Variants in CACNG2 observed in about 807,000 individuals in gnomAD.
CACNG2 encodes the protein voltage-dependent calcium channel gamma-2 subunit.
Under a neutral mutation model 25.9 loss-of-function variants are expected in CACNG2, and 3 were observed. That is an observed-to-expected ratio of 0.12 (90% CI 0.05 to 0.30). The LOEUF is 0.30. Among genes scored for constraint, CACNG2 ranks in the 10% least tolerant of loss-of-function variants. CACNG2 has a pLI of 1.00. For synonymous variants in CACNG2, 167 were observed against 173.3 expected, an observed-to-expected ratio of 0.96 and a Z score of 0.29; for missense variants, 341 against 432.5, an observed-to-expected ratio of 0.79 and a Z score of 1.88.
chr22:36,659,086 C>G (rs1243675525), intron 1 of CACNG2, among the ~76,000 whole-genome samples: 2 of 152,196 alleles, frequency 1.3e-5, no homozygotes, highest in African/African-American at 4.8e-5. Flanking sequence ...AGGAAACTGA[C>G]TGCCCTTAGA....
At chr22:36,575,495 T>G (rs1160462360) in intron 2 of CACNG2, among the ~76,000 whole-genome samples, 4 of 128,092 alleles carry the variant, frequency 3.1e-5, no homozygotes, top group Non-Finnish European at 6.4e-5. Context: ...TCACTGTGTC[T>G]GGCAGCGGAG....
At chr22:36,678,162 G>A (rs1020672719) in intron 1 of CACNG2, among the ~76,000 whole-genome samples, 4 of 152,182 alleles carry the variant, frequency 2.6e-5, no homozygotes, top group African/African-American at 7.2e-5. Flanking sequence ...ATGAGGCCAC[G>A]TAAAATGATG....
chr22:36,657,628 A>G (rs1936727742), intron 1 of CACNG2, among the ~76,000 whole-genome samples: 1 of 151,884 alleles, frequency 6.6e-6, no homozygotes. Flanking sequence ...CTGGATCTAC[A>G]CTCTGTGCCT....
chr22:36,613,491 T>C (rs1327108183), intron 1 of CACNG2, among the ~76,000 whole-genome samples: 1 of 152,156 alleles, frequency 6.6e-6, no homozygotes, highest in Admixed American at 6.5e-5. Context: ...TCCCTTGGCG[T>C]CTGGGTCCTC....
At chr22:36,667,625 C>T (rs572758156) in intron 1 of CACNG2, among the ~76,000 whole-genome samples, 4 of 152,262 alleles carry the variant, frequency 2.6e-5, no homozygotes, top group African/African-American at 9.6e-5. Flanking sequence ...ACGGAACCCA[C>T]GGGGAACTTT....
At chr22:36,627,045 G>A (rs948521209) in intron 1 of CACNG2, among the ~76,000 whole-genome samples, 10 of 152,352 alleles carry the variant, frequency 6.6e-5, no homozygotes, top group African/African-American at 2.2e-4. Context: ...TCCAAAGCCT[G>A]TCTATGTCAA....
At chr22:36,651,050 C>A (rs1936604466) in intron 1 of CACNG2, among the ~76,000 whole-genome samples, 1 of 152,164 alleles carries the variant, frequency 6.6e-6, no homozygotes, top group Non-Finnish European at 1.5e-5. Flanking sequence ...ACATTCTAGT[C>A]CACTTTCCTG....
chr22:36,679,040 A>C (rs1395697109), intron 1 of CACNG2, among the ~76,000 whole-genome samples: 1 of 152,200 alleles, frequency 6.6e-6, no homozygotes, highest in Non-Finnish European at 1.5e-5. Context: ...AGGAAACGTC[A>C]CAGCTGGCTG....
intron 2 of CACNG2, 117 bp from the exon 3 acceptor site, chr22:36,566,610 A>G (rs1935132238): frequency 6.3e-6 from 7 of 1,118,580 alleles, no homozygotes; most frequent in Non-Finnish European, 9.4e-6. Flanking sequence ...ACAGCCTTAG[A>G]GGAGAGGTTG....
chr22:36,602,751 G>A (rs1330039122), intron 1 of CACNG2, among the ~76,000 whole-genome samples: 2 of 152,158 alleles, frequency 1.3e-5, no homozygotes, highest in Admixed American at 6.5e-5. Flanking sequence ...TGTTACCATT[G>A]TAATTGTTTT....
intron 1 of CACNG2, among the ~76,000 whole-genome samples, chr22:36,615,829 A>T (rs1312827499): frequency 6.6e-6 from 1 of 151,842 alleles, no homozygotes; most frequent in African/African-American, 2.4e-5. Context: ...AGTGTTAGTT[A>T]AAAAAAATAG....
chr22:36,692,216 G>A (rs1023275999), intron 1 of CACNG2, among the ~76,000 whole-genome samples: 1 of 152,170 alleles, frequency 6.6e-6, no homozygotes, highest in Non-Finnish European at 1.5e-5. Context: ...TTCCTACAAC[G>A]AGGCTCCAGC....
At chr22:36,614,271 A>G (rs538413045) in intron 1 of CACNG2, among the ~76,000 whole-genome samples, 1 of 152,018 alleles carries the variant, frequency 6.6e-6, no homozygotes, top group East Asian at 1.9e-4. Flanking sequence ...TGTCCTTCCC[A>G]ACTCACTTCT....
chr22:36,633,325 C>A (rs564774796), intron 1 of CACNG2, among the ~76,000 whole-genome samples: 1 of 152,150 alleles, frequency 6.6e-6, no homozygotes, highest in Non-Finnish European at 1.5e-5. Context: ...AATGCATTCA[C>A]GGAGGGTAAC....
intron 1 of CACNG2, among the ~76,000 whole-genome samples, chr22:36,680,636 A>ATTG: frequency 7.7e-6 from 1 of 130,300 alleles, no homozygotes; most frequent in Non-Finnish European, 1.7e-5. Flanking sequence ...CACCACTAAC[A>ATTG]CCACCATCAT....
intron 1 of CACNG2, among the ~76,000 whole-genome samples, chr22:36,626,113 T>C (rs892987324): frequency 1.3e-5 from 2 of 152,160 alleles, no homozygotes; most frequent in African/African-American, 4.8e-5. Context: ...AGAGACGGGG[T>C]TTCACCATGT....
intron 1 of CACNG2, among the ~76,000 whole-genome samples, chr22:36,657,993 G>A (rs866355118): frequency 4.6e-5 from 7 of 152,292 alleles, no homozygotes; most frequent in Middle Eastern, 3.4e-3. Context: ...TGTCTTGGGG[G>A]ATGAGCCTAG....
chr22:36,659,199 G>A lies in CACNG2; in HGVS notation c.211+43167C>T, dbSNP rs375189122. Among the ~76,000 whole-genome samples the A allele has an allele frequency of 1.2e-4, 18 of 152,282 alleles. 1 individual carries two copies. The highest frequency in any genetic ancestry group is 6.2e-4 in the South Asian group (3 of 4,818). On this transcript the variant is annotated intron_variant, in intron 1 of 3. Coordinates refer to ENST00000300105, the MANE Select transcript of CACNG2 (RefSeq NM_006078.5). ...GGCATTATTAAGGGAAAGCGGGAGG[G>A]TGGGGGCTCTGTCCTCTTGTGGGTG...
chr22:36,685,672 T>C, intron 1 of CACNG2, among the ~76,000 whole-genome samples: 1 of 152,332 alleles, frequency 6.6e-6, no homozygotes, highest in Middle Eastern at 3.4e-3. Flanking sequence ...GGTTCTTATG[T>C]TCTCCTGTGA....
Sources: gnomAD v4.1 joint callset for allele counts (sites outside exome capture counted in the v4.1 genomes callset) on GRCh38, gnomAD v4.1.1 for gene constraint, MANE v1.5 for transcripts, NCBI Gene and HGNC (gene_info 2026-07-23, HGNC 2026-07-21) for gene names.